Variants in C8orf34 observed in about 807,000 individuals in gnomAD.
The protein encoded by C8orf34 is uncharacterized protein C8orf34.
In C8orf34, 65 loss-of-function variants were observed where a neutral mutation model predicts 68.3. The observed-to-expected ratio is 0.95, with a 90% confidence interval of 0.78 to 1.17. C8orf34 has a LOEUF of 1.17. Ranked by LOEUF, C8orf34 falls within the 50% of genes most tolerant of loss-of-function variation. The probability of loss-of-function intolerance (pLI) is 0.00; values close to 1 mark genes in which losing one functional copy is unlikely to be tolerated. For synonymous variants in C8orf34, 244 were observed against 241.2 expected (o/e 1.01, Z -0.11); for missense variants, 664 against 655.4 (o/e 1.01, Z -0.14).
At chr8:68,793,583 G>A (rs780512099) in intron 12 of C8orf34, among the ~76,000 whole-genome samples, 1 of 152,118 alleles carries the variant, frequency 6.6e-6, no homozygotes, top group Non-Finnish European at 1.5e-5. Context: ...CAAACACCAA[G>A]TGTTCTCACT....
chr8:68,469,395 T>C (rs1812283796), intron 4 of C8orf34, among the ~76,000 whole-genome samples: 1 of 152,034 alleles, frequency 6.6e-6, no homozygotes, highest in Non-Finnish European at 1.5e-5. Flanking sequence ...TGTGCCTTGG[T>C]CCGCTCATCT....
At chr8:68,364,701 A>G (rs1447695052) in intron 1 of C8orf34, among the ~76,000 whole-genome samples, 58 of 131,058 alleles carry the variant, frequency 4.4e-4, no homozygotes, top group African/African-American at 1.5e-3. Context: ...AACCAACGAG[A>G]ACAAAGACAC....
intron 12 of C8orf34, among the ~76,000 whole-genome samples, chr8:68,804,607 C>T (rs1268224174): frequency 6.6e-6 from 1 of 151,920 alleles, no homozygotes; most frequent in Admixed American, 6.6e-5. Flanking sequence ...ATGGCGAAAC[C>T]CCATCTCTAC....
At chr8:68,645,273 G>A (rs1819133071) in intron 8 of C8orf34, among the ~76,000 whole-genome samples, 1 of 152,054 alleles carries the variant, frequency 6.6e-6, no homozygotes, top group African/African-American at 2.4e-5. Flanking sequence ...GGGAAGGCTG[G>A]ATACAATAAC....
chr8:68,794,506 T>TATATATATATATATATATACATACA (rs58048066), intron 12 of C8orf34, among the ~76,000 whole-genome samples: 17 of 58,998 alleles, frequency 2.9e-4, no homozygotes, highest in African/African-American at 1.7e-3. Context: ...TATATATATA[T>TATATATATATATATATATACATACA]TTTTTTTTTT....
chr8:68,585,271 G>A (rs555216077), intron 7 of C8orf34, among the ~76,000 whole-genome samples: 8 of 152,184 alleles, frequency 5.3e-5, no homozygotes, highest in South Asian at 4.1e-4. Flanking sequence ...AAGTGACAGC[G>A]TGATGAAACA....
intron 7 of C8orf34, among the ~76,000 whole-genome samples, chr8:68,560,348 C>T (rs1214402596): frequency 6.6e-6 from 1 of 152,130 alleles, no homozygotes; most frequent in Non-Finnish European, 1.5e-5. Context: ...ACATCCTGAA[C>T]ATTTTACTCT....
intron 11 of C8orf34, among the ~76,000 whole-genome samples, chr8:68,777,190 A>C (rs1349995592): frequency 6.6e-6 from 1 of 152,220 alleles, no homozygotes; most frequent in Admixed American, 6.5e-5. Flanking sequence ...CTCTTGGTTC[A>C]GCATTCCCCA....
intron 5 of C8orf34, among the ~76,000 whole-genome samples, chr8:68,517,979 T>G (rs922069128): frequency 6.6e-6 from 1 of 152,244 alleles, no homozygotes; most frequent in African/African-American, 2.4e-5. Flanking sequence ...TTCTCTGCCC[T>G]TATTGACTAC....
At chr8:68,633,319 A>G (rs1394479426) in intron 7 of C8orf34, among the ~76,000 whole-genome samples, 1 of 152,298 alleles carries the variant, frequency 6.6e-6, no homozygotes, top group African/African-American at 2.4e-5. Flanking sequence ...CCAAAAAACA[A>G]TATCTGGCAT....
At chr8:68,400,487 A>C (rs1808901542) in intron 1 of C8orf34, among the ~76,000 whole-genome samples, 1 of 152,134 alleles carries the variant, frequency 6.6e-6, no homozygotes, top group Non-Finnish European at 1.5e-5. Context: ...CTTTGTCAAA[A>C]ATTAGTTGGT....
rs1180683809 is a variant in C8orf34, at chr8:68,532,720, T to C, written c.939-263T>C. 2.0e-5 allele frequency among the ~76,000 whole-genome samples: 3 copies of C among 152,198 alleles called. No homozygotes were observed. The South Asian group carries it at 6.2e-4, about 32-fold the overall frequency. On this transcript the variant is annotated intron_variant, in intron 6 of 13. Transcript: ENST00000518698. The stretch of plus-strand genomic sequence containing the variant: ...AAATCAGAAAATTCATCGAGTAGAC[T>C]TTAATTTCCACATGGCAACAATAGG...
intron 7 of C8orf34, among the ~76,000 whole-genome samples, chr8:68,589,738 G>A (rs1408185258): frequency 2.1e-5 from 3 of 142,974 alleles, no homozygotes; most frequent in African/African-American, 7.8e-5. Flanking sequence ...GGAGAGAGAA[G>A]GGAGAGAAGA....
chr8:68,754,129 G>A (rs543710652), intron 10 of C8orf34, among the ~76,000 whole-genome samples: 25 of 152,010 alleles, frequency 1.6e-4, no homozygotes, highest in African/African-American at 5.8e-4. Flanking sequence ...AAAAAGGGCC[G>A]GGAGCAATTT....
intron 1 of C8orf34, among the ~76,000 whole-genome samples, chr8:68,425,415 T>C (rs1269327964): frequency 1.3e-5 from 2 of 152,162 alleles, no homozygotes; most frequent in Admixed American, 1.3e-4. Flanking sequence ...GTGAGTTCAA[T>C]ATAGATACAT....
At position 68,807,697 on chromosome 8, in the gene C8orf34, A is replaced by C. The variant is rs184798750; in HGVS notation, c.1550-8189A>C. 3.3e-3 allele frequency among the ~76,000 whole-genome samples: 504 copies of C among 152,310 alleles called. 1 individual carries two copies. Among genetic ancestry groups the C allele is most frequent in the South Asian group, 4.8e-3 (23 of 4,832 alleles). ...GCTTATTTTTGATTAAGTGTTGAGCATTATATATGATATGTTGCAAAGATA... is the reference window on the plus strand; with the variant it reads ...GCTTATTTTTGATTAAGTGTTGAGCCTTATATATGATATGTTGCAAAGATA... On this transcript the variant is annotated intron_variant, in intron 12 of 13. Coordinates refer to ENST00000518698, the MANE Select transcript of C8orf34 (RefSeq NM_052958.4).
chr8:68,533,844 G>C (rs1815353059), intron 7 of C8orf34: 1 of 979,104 alleles, frequency 1.0e-6, no homozygotes, highest in African/African-American at 1.8e-5. Context: ...TTATTTCAGA[G>C]TGATCCACAT....
At chr8:68,792,613 A>G (rs1324886104) in intron 12 of C8orf34, 1 of 147,222 alleles carries the variant, frequency 6.8e-6, no homozygotes. Context: ...ATATTTAAAG[A>G]TAGAAAAGGA....
At chr8:68,455,684 A>G (rs780203925) in intron 3 of C8orf34, among the ~76,000 whole-genome samples, 7 of 152,164 alleles carry the variant, frequency 4.6e-5, no homozygotes, top group Non-Finnish European at 8.8e-5. Flanking sequence ...AAGTAAAAAA[A>G]CTATTGACTC....
Sources: allele counts gnomAD v4.1 joint callset (sites outside exome capture counted in the v4.1 genomes callset), GRCh38; gene constraint gnomAD v4.1.1; transcripts MANE v1.5; gene names NCBI Gene and HGNC (gene_info 2026-07-23, HGNC 2026-07-21).